The following KIAA2012 variants were observed in gnomAD, a reference collection of about 807,000 sequenced individuals.
KIAA2012 encodes the protein KIAA2012, also known as uncharacterized protein KIAA2012.
A neutral mutation model predicts 150.6 loss-of-function variants in KIAA2012; 125 were observed. That is an observed-to-expected ratio of 0.83 (90% CI 0.72 to 0.96). The LOEUF (loss-of-function observed/expected upper bound fraction) is 0.96, where lower values mean the gene tolerates loss of function less well. Among genes scored for constraint, KIAA2012 ranks in the 40% least tolerant of loss-of-function variants. The pLI, the probability that KIAA2012 is intolerant of heterozygous loss-of-function variation, is 0.00. For missense variants in KIAA2012, 1,219 were observed against 1,354.9 expected (o/e 0.90, Z 1.57); for synonymous variants, 462 against 504.7 (o/e 0.92, Z 1.13).
In KIAA2012 at chr2:202,196,880, G is replaced by T; in HGVS notation, c.3268G>T (p.Glu1090Ter). 6.4e-7 allele frequency: 1 copy of T among 1,550,716 alleles called. No homozygotes were observed. Among genetic ancestry groups the T allele is most frequent in the Non-Finnish European group, 8.7e-7 (1 of 1,146,988 alleles). ...ACACCTGATGGAAATGGCTGAAGAG[G>T]AACGACTGGAGTACCAGCGGCGGAA... ...QKHLMEMAEE[E>*]RLEYQRRKQE... The change falls in exon 22 of 24, where the codon GAA (glutamate) becomes TAA (stop). Residue 1090 changes from glutamate (E) to a stop codon, truncating the protein, a stop_gained. Coordinates refer to ENST00000498697, the MANE Select transcript of KIAA2012 (RefSeq NM_001277372.4). LOFTEE classifies it high-confidence loss of function.
In KIAA2012 at chr2:202,184,831, T is replaced by C. The variant is rs774142481; in HGVS notation, c.2198T>C (p.Ile733Thr). 6 of 1,548,218 alleles carry C rather than the reference T, an allele frequency of 3.9e-6. No homozygotes were observed. The highest frequency in any genetic ancestry group is 2.5e-5 in the East Asian group (1 of 40,724). Reference sequence around the variant, plus strand: ...CACATCCAGACCCCAGAAGCAGATATTGTGCAAAAAGTGTAAGTGTTCAAA... The same window carrying C: ...CACATCCAGACCCCAGAAGCAGATACTGTGCAAAAAGTGTAAGTGTTCAAA... ...TEHIQTPEAD[I>T]VQKVGRDYDV... The change falls in exon 16 of 24, where the codon ATT (isoleucine) becomes ACT (threonine). Residue 733 changes from isoleucine to threonine, a missense_variant. Physicochemically the swap from Ile to Thr is moderately conservative, Grantham distance 89 (BLOSUM62 -1). Coordinates refer to ENST00000498697, the MANE Select transcript of KIAA2012 (RefSeq NM_001277372.4).
intron 15 of KIAA2012, chr2:202,179,692 T>G (rs1343710650): frequency 3.9e-5 from 26 of 662,232 alleles, no homozygotes; most frequent in South Asian, 1.4e-5. Context: ...TGGAGTTTCT[T>G]TACTTGTTTG....
intron 13 of KIAA2012, among the ~76,000 whole-genome samples, chr2:202,148,080 A>G (rs2105949060): frequency 1.3e-5 from 2 of 152,344 alleles, no homozygotes; most frequent in Non-Finnish European, 2.9e-5. Flanking sequence ...AATGTTGAAG[A>G]CAATAGCAAT....
intron 15 of KIAA2012, among the ~76,000 whole-genome samples, chr2:202,171,810 TA>T (rs1191067586): frequency 2.4e-4 from 36 of 151,420 alleles, no homozygotes; most frequent in African/African-American, 8.5e-4. Flanking sequence ...ATTTTCCACT[TA>T]GGGGTGGAGA....
intron 2 of KIAA2012, chr2:202,077,109 C>T (rs1257302845): frequency 2.2e-6 from 1 of 444,756 alleles, no homozygotes; most frequent in Non-Finnish European, 4.4e-6. Flanking sequence ...GGTGACCCCA[C>T]CAGCTCCTCC....
chr2:202,123,668 G>A (rs953878634), intron 11 of KIAA2012, among the ~76,000 whole-genome samples: 1 of 152,048 alleles, frequency 6.6e-6, no homozygotes, highest in Non-Finnish European at 1.5e-5. Context: ...ATTTGTTATT[G>A]GTAATGAGAC....
At chr2:202,144,609 C>T (rs967442712) in intron 13 of KIAA2012, among the ~76,000 whole-genome samples, 6 of 152,160 alleles carry the variant, frequency 3.9e-5, no homozygotes, top group African/African-American at 1.2e-4. Flanking sequence ...CCTTTTAAGC[C>T]GTACCCTACC....
intron 9 of KIAA2012, among the ~76,000 whole-genome samples, chr2:202,106,853 C>T (rs949801482): frequency 6.6e-6 from 1 of 152,118 alleles, no homozygotes; most frequent in Non-Finnish European, 1.5e-5. Context: ...AGAAAGCTCC[C>T]CATTTTCAGA....
Position 202,103,139 on chromosome 2 carries a change from C to T in KIAA2012, c.1324+25C>T, listed in dbSNP as rs1196957283. On this transcript the variant is annotated intron_variant, in intron 8 of 23. Coordinates refer to ENST00000498697, the MANE Select transcript of KIAA2012 (RefSeq NM_001277372.4). ...GGTAGGTCCCGGGTGCATGGGCACT[C>T]CTGAGGGAGAGCCTGGGATGGGGGG... 2.6e-6 allele frequency: 4 copies of T among 1,546,904 alleles called. 1 individual carries two copies. The highest frequency in any genetic ancestry group is 3.7e-4 in the Middle Eastern group (2 of 5,366).
At position 202,194,257 on chromosome 2, in the gene KIAA2012, C is replaced by T. The variant is rs760602856; in HGVS notation, c.3082C>T (p.Arg1028Trp). Residue 1028 changes from arginine (R) to tryptophan (W), a missense_variant, in exon 21 of 24, where the codon CGG (arginine) becomes TGG (tryptophan). Physicochemically the swap from Arg to Trp is moderately radical, Grantham distance 101. Coordinates refer to ENST00000498697, the MANE Select transcript of KIAA2012 (RefSeq NM_001277372.4). ...QEEEERKQQL[R>W]LKAAQERARQ... ...GGAGGAGGAGAGAAAGCAGCAGCTC[C>T]GGTTGAAAGCAGCCCAGGAGAGAGC... is the stretch of plus-strand genomic sequence containing the variant. The T allele has an allele frequency of 7.3e-5, 113 of 1,550,428 alleles. No individual in the cohort carries two copies. The highest frequency in any genetic ancestry group is 8.7e-5 in the Non-Finnish European group (100 of 1,147,010).
chr2:202,178,222 G>A (rs557178080), intron 15 of KIAA2012, among the ~76,000 whole-genome samples: 1 of 151,566 alleles, frequency 6.6e-6, no homozygotes, highest in Admixed American at 6.6e-5. Context: ...AAGAAAGAAA[G>A]AAATGCATGA....
chr2:202,105,995 G>A (rs1690182088), intron 9 of KIAA2012, 85 bp downstream of exon 9: 1 of 1,548,888 alleles, frequency 6.5e-7, no homozygotes, highest in East Asian at 2.4e-5. Flanking sequence ...CACAGCCAAG[G>A]AAAAGGAGTC....
chr2:202,182,244 TGG>T (rs1247951404), intron 15 of KIAA2012, among the ~76,000 whole-genome samples: 1 of 151,460 alleles, frequency 6.6e-6, no homozygotes, highest in Non-Finnish European at 1.5e-5. Context: ...CCCGAGTAGC[TGG>T]GATTACAGGC....
At chr2:202,122,241 T>C (rs1279313892) in intron 11 of KIAA2012, among the ~76,000 whole-genome samples, 2 of 152,158 alleles carry the variant, frequency 1.3e-5, no homozygotes, top group Non-Finnish European at 2.9e-5. Context: ...ACACGTGAGC[T>C]AGCATGAAGG....
rs148325261 is a variant in KIAA2012 at position 202,183,584 on chromosome 2, A to G, written c.2120-1169A>G. ...AGTGGTGCTATCTAAACTTACTGCA[A>G]CCTCCACCTCCCAGGTTCAAGCTAT... On this transcript the variant is annotated intron_variant, in intron 15 of 23. Coordinates refer to ENST00000498697, the MANE Select transcript of KIAA2012 (RefSeq NM_001277372.4). 3.9e-3 allele frequency among the ~76,000 whole-genome samples: 574 copies of G among 148,584 alleles called. 9 individuals are homozygous for G. The highest frequency in any genetic ancestry group is 0.014 in the African/African-American group (558 of 40,132).
At chr2:202,134,501 T>A (rs1275597456) in intron 12 of KIAA2012, among the ~76,000 whole-genome samples, 1 of 152,214 alleles carries the variant, frequency 6.6e-6, no homozygotes, top group African/African-American at 2.4e-5. Flanking sequence ...GAGGGTCCCA[T>A]ACCAAGGCAA....
At chr2:202,106,559 C>G (rs1304949878) in intron 9 of KIAA2012, among the ~76,000 whole-genome samples, 1 of 152,032 alleles carries the variant, frequency 6.6e-6, no homozygotes, top group Non-Finnish European at 1.5e-5. Flanking sequence ...TGGTGGTGCA[C>G]ACCTGTAATC....
chr2:202,083,062 A>C (rs1422731691), intron 2 of KIAA2012, among the ~76,000 whole-genome samples: 1 of 152,164 alleles, frequency 6.6e-6, no homozygotes, highest in African/African-American at 2.4e-5. Context: ...CTTTACATTT[A>C]TGACATATGG....
chr2:202,123,986 C>G (rs188161137), intron 11 of KIAA2012, among the ~76,000 whole-genome samples: 1 of 151,982 alleles, frequency 6.6e-6, no homozygotes, highest in Admixed American at 6.6e-5. Flanking sequence ...GTCAGGAGGT[C>G]GAGACCAGCC....
Sources: allele counts gnomAD v4.1 joint callset (sites outside exome capture counted in the v4.1 genomes callset), GRCh38; gene constraint gnomAD v4.1.1; transcripts MANE v1.5; gene names NCBI Gene and HGNC (gene_info 2026-07-23, HGNC 2026-07-21).